The following TSGA13 variants were observed in gnomAD, a reference collection of about 807,000 sequenced individuals.
TSGA13 encodes testis-specific gene 13 protein.
Under a neutral mutation model 35.1 loss-of-function variants are expected in TSGA13, and 37 were observed. That is an observed-to-expected ratio of 1.05 (90% CI 0.81 to 1.39). The LOEUF (loss-of-function observed/expected upper bound fraction) is 1.39. TSGA13 is among the 40% of genes most tolerant of loss of function. The pLI is 0.00. For synonymous variants in TSGA13, 124 were observed against 121.2 expected, an observed-to-expected ratio of 1.02 and a Z score of -0.15; for missense variants, 338 against 328.5, an observed-to-expected ratio of 1.03 and a Z score of -0.22.
At chr7:130,679,014 G>A in intron 5 of TSGA13, 141 bp downstream of exon 5, 1 of 694,414 alleles carries the variant, frequency 1.4e-6, no homozygotes, top group South Asian at 1.9e-5. Flanking sequence ...GTAACAGAGT[G>A]AGACCCTATC....
In TSGA13 at chr7:130,669,105, T is replaced by A. The variant is rs1436164295; in HGVS notation, c.737A>T (p.Asp246Val). 7.4e-6 allele frequency: 12 copies of A among 1,614,126 alleles called. No individual in the cohort carries two copies. The highest frequency in any genetic ancestry group is 1.0e-5 in the Non-Finnish European group (12 of 1,180,042). Residue 246 changes from aspartate (D) to valine (V), a missense_variant, in exon 8 of 8, where the codon GAC becomes GTC. Coordinates refer to ENST00000356588, the MANE Select transcript of TSGA13 (RefSeq NM_052933.4). Reference sequence around the variant, plus strand: ...CCCGGGCGCGGTTCTGGTGGGCATGTCTTCCAAGAGCGATGCGAGTGTCAG... The same window carrying A: ...CCCGGGCGCGGTTCTGGTGGGCATGACTTCCAAGAGCGATGCGAGTGTCAG... Reference protein sequence around the residue: ...EPLTLASLLEDMPTRTAPGES... With the variant: ...EPLTLASLLEVMPTRTAPGES...
At chr7:130,675,330 G>A (rs371938373) in intron 5 of TSGA13, among the ~76,000 whole-genome samples, 3 of 126,428 alleles carry the variant, frequency 2.4e-5, no homozygotes, top group South Asian at 5.1e-4. Context: ...TCCCATACTC[G>A]ACTTCATGGC....
Position 130,685,336 on chromosome 7 carries a change from G to C in TSGA13, c.-126C>G. On this transcript the variant is annotated 5_prime_UTR_variant, in exon 2 of 8. Coordinates refer to ENST00000356588, the MANE Select transcript of TSGA13 (RefSeq NM_052933.4). ...AAATATTCTTTCCTTAGCACACAGTGTGTACTCATGCCCCATTCTTGAGCC... is the reference window on the plus strand; with the variant it reads ...AAATATTCTTTCCTTAGCACACAGTCTGTACTCATGCCCCATTCTTGAGCC... The C allele has an allele frequency of 6.5e-7, 1 of 1,543,132 alleles. No individual in the cohort carries two copies. Among genetic ancestry groups the C allele is most frequent in the Non-Finnish European group, 8.8e-7 (1 of 1,131,992 alleles).
intron 6 of TSGA13, 70 bp from the exon 7 acceptor site, chr7:130,671,858 T>C (rs1796281349): frequency 1.5e-6 from 1 of 650,906 alleles, no homozygotes; most frequent in Non-Finnish European, 2.0e-6. Flanking sequence ...TCACTTTATT[T>C]TATTTTATTT....
chr7:130,671,675 T>G lies in TSGA13; in HGVS notation c.644A>C (p.Asp215Ala), dbSNP rs782628743. The G allele has an allele frequency of 4.4e-6, 7 of 1,581,600 alleles. No homozygotes were observed. Among genetic ancestry groups the G allele is most frequent in the Non-Finnish European group, 6.0e-6 (7 of 1,159,934 alleles). ...GAGGAGCTTACCATCTTTCCTCATA[T>G]CTCTCTCATGGACTGGAGCAAAGGT... ...QLTFAPVHER[D>A]MRKDASKKSA... The change falls in exon 7 of 8, where the codon GAT becomes GCT. Residue 215 changes from aspartate (D) to alanine (A), a missense_variant. Asp to Ala is a moderately radical substitution (Grantham distance 126). Coordinates refer to ENST00000356588, the MANE Select transcript of TSGA13 (RefSeq NM_052933.4).
In TSGA13 at chr7:130,670,923, G is replaced by A. The variant is rs1329858692; in HGVS notation, c.658+738C>T. Among the ~76,000 whole-genome samples the A allele has an allele frequency of 2.0e-5, 3 of 152,284 alleles. No homozygotes were observed. The East Asian group carries it at 5.8e-4, about 29-fold the overall frequency. ...ATTACGGACACGCCCAGCCTGTCAA[G>A]GCCTTTTATGATCTGTTTCATCTCT... On this transcript the variant is annotated intron_variant, in intron 7 of 7. Coordinates refer to ENST00000356588, the MANE Select transcript of TSGA13 (RefSeq NM_052933.4).
At chr7:130,680,800 A>G in intron 4 of TSGA13, 146 bp downstream of exon 4, 1 of 701,988 alleles carries the variant, frequency 1.4e-6, no homozygotes, top group East Asian at 2.7e-5. Context: ...CATAACCTAG[A>G]GGCAGCTCTG....
chr7:130,683,086 T>C (rs1164539115), intron 3 of TSGA13, among the ~76,000 whole-genome samples: 1 of 152,214 alleles, frequency 6.6e-6, no homozygotes, highest in Non-Finnish European at 1.5e-5. Context: ...GAAAATGTTT[T>C]TACTCCTGAA....
chr7:130,678,591 T>A (rs191254452), intron 5 of TSGA13, among the ~76,000 whole-genome samples: 2 of 152,194 alleles, frequency 1.3e-5, no homozygotes, highest in African/African-American at 4.8e-5. Context: ...AAATTAAATA[T>A]CTTTGGCCAA....
In TSGA13 at chr7:130,686,500, G is replaced by A. The variant is rs1393994682; in HGVS notation, c.-389C>T. 5 of 151,890 alleles carry A rather than the reference G, an allele frequency of 3.3e-5. No homozygotes were observed. Among genetic ancestry groups the A allele is most frequent in the African/African-American group, 1.2e-4 (5 of 41,324 alleles). 9.4% of individuals were successfully genotyped at this position (151,890 alleles called of 1,614,324 possible). On this transcript the variant is annotated 5_prime_UTR_variant, in exon 1 of 8. Coordinates refer to ENST00000356588, the MANE Select transcript of TSGA13 (RefSeq NM_052933.4). The stretch of plus-strand genomic sequence containing the variant: ...GAAGAAGGCAAAGTCTTTGGCATGG[G>A]AACTTTCCATTTTGAAAATATCGTA...
intron 7 of TSGA13, among the ~76,000 whole-genome samples, chr7:130,670,457 A>G (rs1796237068): frequency 6.6e-6 from 1 of 152,180 alleles, no homozygotes. Context: ...TAAAACCATG[A>G]GCTGGTGAAG....
rs1796581613 is a variant in TSGA13 at position 130,682,911 on chromosome 7, C to G, written c.102+683G>C. Reference sequence around the variant, plus strand: ...TACCACCTTATGGAAAACTAAAGTTCATTTGTTGAAAACAGAAATATGAAA... The same window carrying G: ...TACCACCTTATGGAAAACTAAAGTTGATTTGTTGAAAACAGAAATATGAAA... On this transcript the variant is annotated intron_variant, in intron 3 of 7. Transcript: ENST00000356588. Among the ~76,000 whole-genome samples the G allele has an allele frequency of 2.6e-5, 4 of 152,090 alleles. No homozygotes were observed. In the South Asian group the frequency reaches 8.3e-4, roughly 32 times the overall value.
At chr7:130,687,353 C>T (rs1554465887), upstream of TSGA13, 1 of 152,190 alleles carries the variant, frequency 6.6e-6, no homozygotes, top group Non-Finnish European at 1.5e-5. Context: ...GCCTCTTAAG[C>T]TGTGAGTCCC....
chr7:130,670,013 C>T (rs189563203), intron 7 of TSGA13, among the ~76,000 whole-genome samples: 1 of 152,172 alleles, frequency 6.6e-6, no homozygotes, highest in East Asian at 1.9e-4. Context: ...TGGGTAATGC[C>T]CCGGAGACCT....
intron 5 of TSGA13, among the ~76,000 whole-genome samples, chr7:130,677,084 G>A (rs1796430164): frequency 1.3e-5 from 2 of 152,018 alleles, no homozygotes; most frequent in African/African-American, 4.8e-5. Context: ...AGTAGAGACG[G>A]GGTTTCACTG....
chr7:130,668,669 C>T lies in TSGA13; in HGVS notation c.*345G>A, dbSNP rs1353264245. Reference sequence around the variant, plus strand: ...CCTTCTTGTCGAATTTTTTAATCATCTTGGACGACTTCCCAGCGCCCAGAC... The same window carrying T: ...CCTTCTTGTCGAATTTTTTAATCATTTTGGACGACTTCCCAGCGCCCAGAC... On this transcript the variant is annotated 3_prime_UTR_variant, in exon 8 of 8. Coordinates refer to ENST00000356588, the MANE Select transcript of TSGA13 (RefSeq NM_052933.4). The T allele has an allele frequency of 1.3e-6, 2 of 1,540,506 alleles. No homozygotes were observed. The highest frequency in any genetic ancestry group is 1.7e-4 in the Middle Eastern group (1 of 5,930).
At chr7:130,685,155 T>G (rs373095154) in intron 2 of TSGA13, 33 bp downstream of exon 2, 13 of 1,609,246 alleles carry the variant, frequency 8.1e-6, no homozygotes, top group Middle Eastern at 1.7e-4. Context: ...AAAGTGGTGT[T>G]TATAACTTAG....
intron 1 of TSGA13, among the ~76,000 whole-genome samples, chr7:130,685,694 G>A (rs782681943): frequency 3.3e-5 from 5 of 152,198 alleles, no homozygotes; most frequent in African/African-American, 1.2e-4. Flanking sequence ...GAAGGCTAAA[G>A]GTGGAGAAGC....
intron 5 of TSGA13, among the ~76,000 whole-genome samples, chr7:130,677,737 C>G (rs1796447882): frequency 6.6e-6 from 1 of 152,074 alleles, no homozygotes; most frequent in African/African-American, 2.4e-5. Context: ...GCCATTTACT[C>G]TCTTACATCT....
Sources: gnomAD v4.1 joint callset for allele counts (sites outside exome capture counted in the v4.1 genomes callset) on GRCh38, gnomAD v4.1.1 for gene constraint, MANE v1.5 for transcripts, NCBI Gene and HGNC (gene_info 2026-07-23, HGNC 2026-07-21) for gene names.